Variants in SETD1B observed in about 807,000 individuals in gnomAD.
SETD1B encodes histone-lysine N-methyltransferase SETD1B.
A neutral mutation model predicts 148.0 loss-of-function variants in SETD1B; 7 were observed. That is an observed-to-expected ratio of 0.05 (90% CI 0.03 to 0.09). The LOEUF is 0.09. Ranked by LOEUF, SETD1B falls within the 10% of genes least tolerant of loss-of-function variation. The probability of loss-of-function intolerance (pLI) is 1.00; values close to 1 mark genes in which losing one functional copy is unlikely to be tolerated. For missense variants in SETD1B, 2,155 were observed against 2,729.9 expected, an observed-to-expected ratio of 0.79 and a Z score of 4.69; for synonymous variants, 1,361 against 1,186.5, an observed-to-expected ratio of 1.15 and a Z score of -3.02.
rs1876167567 is a variant in SETD1B at position 121,814,165 on chromosome 12, C to T, written c.1950C>T (p.Pro650=). Residue 650 remains proline (P), a synonymous_variant, in exon 7 of 17, where the codon CCC becomes CCT. Transcript: ENST00000604567. The stretch of plus-strand genomic sequence containing the variant: ...CGGATGACGAGATGCCCTCGGCCCC[C>T]ATCACCAGCGCTGACTGCCCCAAGC... ...EISDDEMPSA[P]ITSADCPKPM... is the part of the protein sequence containing the mutation. 1.3e-6 allele frequency: 2 copies of T among 1,548,428 alleles called. No individual in the cohort carries two copies. Among genetic ancestry groups the T allele is most frequent in the Non-Finnish European group, 1.7e-6 (2 of 1,146,700 alleles).
chr12:121,812,683 G>GTGC (rs1360474254), intron 6 of SETD1B, among the ~76,000 whole-genome samples: 1 of 152,108 alleles, frequency 6.6e-6, no homozygotes, highest in Non-Finnish European at 1.5e-5. Flanking sequence ...GATCTGGGGA[G>GTGC]TGCTCTCTGA....
At chr12:121,794,677 C>T in the SETD1B span, among the ~76,000 whole-genome samples, 1 of 152,202 alleles carries the variant, frequency 6.6e-6, no homozygotes, top group African/African-American at 2.4e-5. Flanking sequence ...ATCAGGGCTG[C>T]TGGCTGAATT....
At chr12:121,806,630 A>G (rs1875755810) in intron 4 of SETD1B, among the ~76,000 whole-genome samples, 1 of 152,102 alleles carries the variant, frequency 6.6e-6, no homozygotes, top group South Asian at 2.1e-4. Flanking sequence ...GTGTTGTTTC[A>G]TTGATAAGGT....
At chr12:121,797,553 A>G in the SETD1B span, 1 of 456,586 alleles carries the variant, frequency 2.2e-6, no homozygotes, top group African/African-American at 2.0e-5. Context: ...CCGTGCCGAG[A>G]ACCACATCCA....
rs1018114517 is a variant in SETD1B at position 121,817,893 on chromosome 12, A to G, written c.3407A>G (p.Asp1136Gly). The G allele has an allele frequency of 5.8e-6, 9 of 1,547,320 alleles. No homozygotes were observed. In the Admixed American group the frequency reaches 6.0e-5, roughly 10 times the overall value. Residue 1136 changes from aspartate to glycine, a missense_variant, in exon 10 of 17, where the codon GAC (aspartate) becomes GGC (glycine). By Grantham distance (94) the Asp-to-Gly change is moderately conservative. Transcript: ENST00000604567. The surrounding 1 kb of genome is among the most constrained non-coding windows in gnomAD (Gnocchi z 8.1). ...GAGGCGAGTGAGAAGGACGAAGGGG[A>G]CTCGGATGAAGGTGAGCAGGGAGGC... ...LSEASEKDEG[D>G]SDEEETVSIV...
the SETD1B span, chr12:121,793,138 G>A: frequency 4.6e-5 from 71 of 1,548,088 alleles, no homozygotes; most frequent in African/African-American, 7.9e-4. Flanking sequence ...CCCCCGGCGC[G>A]CAGGCGCACT....
At chr12:121,824,011 A>G (rs1566559174) in intron 12 of SETD1B, among the ~76,000 whole-genome samples, 2 of 152,272 alleles carry the variant, frequency 1.3e-5, no homozygotes, top group African/African-American at 2.4e-5. Flanking sequence ...CACATGTAAC[A>G]GCAGTGCCGT....
intron 6 of SETD1B, among the ~76,000 whole-genome samples, chr12:121,812,298 C>G (rs568000836): frequency 1.3e-5 from 2 of 152,184 alleles, no homozygotes. Flanking sequence ...AGTGGCTGGT[C>G]GTTAAAAGTT....
Position 121,810,354 on chromosome 12 carries a change from T to C in SETD1B, c.1409T>C (p.Phe470Ser). The C allele has an allele frequency of 6.5e-7, 1 of 1,546,614 alleles. No homozygotes were observed. The highest frequency in any genetic ancestry group is 8.7e-7 in the Non-Finnish European group (1 of 1,146,688). Residue 470 changes from phenylalanine to serine, a missense_variant, in exon 6 of 17, where the codon TTC (phenylalanine) becomes TCC (serine). By Grantham distance (155) the Phe-to-Ser change is radical (BLOSUM62 -2). Around this residue, in one of 11 missense-constraint regions of SETD1B, gnomAD observed 376 missense variants for 385.0 expected, o/e 0.98. Coordinates refer to ENST00000604567, the MANE Select transcript of SETD1B (RefSeq NM_001353345.2). The surrounding 1 kb of genome is among the most constrained non-coding windows in gnomAD (Gnocchi z 7.6). Reference sequence around the variant, plus strand: ...ATGGAGCTGGGCGGCCGGCCCACCTTCGGCTGGAGTCCTGAGCCCTGTGAC... The same window carrying C: ...ATGGAGCTGGGCGGCCGGCCCACCTCCGGCTGGAGTCCTGAGCCCTGTGAC... ...NSMELGGRPTFGWSPEPCDSP... is the reference protein window; with the variant it reads ...NSMELGGRPTSGWSPEPCDSP...
rs1326331145 is a variant in SETD1B at position 121,810,136 on chromosome 12, C to G, written c.1191C>G (p.Phe397Leu). The G allele has an allele frequency of 6.5e-7, 1 of 1,550,110 alleles. No homozygotes were observed. The highest frequency in any genetic ancestry group is 2.0e-5 in the Admixed American group (1 of 51,010). The change falls in exon 6 of 17, where the codon TTC (phenylalanine) becomes TTG (leucine). Residue 397 changes from phenylalanine (F) to leucine (L), a missense_variant. Transcript: ENST00000604567. The surrounding 1 kb of genome is among the most constrained non-coding windows in gnomAD (Gnocchi z 7.6). ...CTGCTCCTGGATTCAAGTCTGCTTT[C>G]TCTCCGTATCAGACCCCAGTGGCCC... ...ATPAPGFKSA[F>L]SPYQTPVAHF...
chr12:121,817,778 C>T lies in SETD1B; in HGVS notation c.3313-21C>T. 6.5e-7 allele frequency: 1 copy of T among 1,545,568 alleles called. No homozygotes were observed. Among genetic ancestry groups the T allele is most frequent in the Non-Finnish European group, 8.7e-7 (1 of 1,143,500 alleles). On this transcript the variant is annotated intron_variant, in intron 9 of 16. Transcript: ENST00000604567. This position sits in a 1 kb window ranked among gnomAD's most constrained non-coding sequence, Gnocchi z 8.1. ...GCCAGACCCTTCGGCTCACCTGTCC[C>T]CACTCTTCCTTCTCCCCCAGGATGA...
In SETD1B at chr12:121,822,950, A is replaced by T. The variant is rs555827998; in HGVS notation, c.4371A>T (p.Glu1457Asp). The T allele has an allele frequency of 5.7e-5, 88 of 1,537,862 alleles. No homozygotes were observed. In the African/African-American group the frequency reaches 1.0e-3, roughly 18 times the overall value. Residue 1457 changes from glutamate (E) to aspartate (D), a missense_variant, in exon 12 of 17, where the codon GAA becomes GAT. By Grantham distance (45) the Glu-to-Asp change is conservative. Coordinates refer to ENST00000604567, the MANE Select transcript of SETD1B (RefSeq NM_001353345.2). ...VCPLPTGRRD[E>D]RSGPLASPVL... Reference sequence around the variant, plus strand: ...CACTCCCCACTGGCCGACGCGATGAACGCTCCGGGCCCCTGGCCTCCCCGG... The same window carrying T: ...CACTCCCCACTGGCCGACGCGATGATCGCTCCGGGCCCCTGGCCTCCCCGG...
chr12:121,823,156 C>T lies in SETD1B; in HGVS notation c.4577C>T (p.Pro1526Leu), dbSNP rs1480519014. 6 of 1,543,390 alleles carry T rather than the reference C, an allele frequency of 3.9e-6. No individual in the cohort carries two copies. In the East Asian group the frequency reaches 9.8e-5, roughly 25 times the overall value. Residue 1526 changes from proline (P) to leucine (L), a missense_variant, in exon 12 of 17, where the codon CCA (proline) becomes CTA (leucine). Pro to Leu is a moderately conservative substitution (Grantham distance 98). Coordinates refer to ENST00000604567, the MANE Select transcript of SETD1B (RefSeq NM_001353345.2). Reference sequence around the variant, plus strand: ...AAGCCGGGCCGGCCCCGGCGATCCCCACCATCTATGCTCTCCTTGGATGGG... The same window carrying T: ...AAGCCGGGCCGGCCCCGGCGATCCCTACCATCTATGCTCTCCTTGGATGGG... ...KRKPGRPRRSPPSMLSLDGPL... is the reference protein window; with the variant it reads ...KRKPGRPRRSLPSMLSLDGPL...
At chr12:121,792,481 G>A in the SETD1B span, among the ~76,000 whole-genome samples, 1 of 152,262 alleles carries the variant, frequency 6.6e-6, no homozygotes, top group Non-Finnish European at 1.5e-5. Context: ...AGAGCCTGGT[G>A]TGGGGCCCCT....
intron 7 of SETD1B, among the ~76,000 whole-genome samples, chr12:121,816,047 C>T (rs1054248439): frequency 7.9e-5 from 12 of 151,890 alleles, no homozygotes; most frequent in Non-Finnish European, 1.6e-4. Context: ...AGGCTGGTCT[C>T]GAACTCCTGA....
intron 10 of SETD1B, 55 bp from the exon 11 acceptor site, chr12:121,819,349 G>A: frequency 6.5e-7 from 1 of 1,547,048 alleles, no homozygotes; most frequent in Admixed American, 2.0e-5. Context: ...GGGTCTGGTG[G>A]GGGCTGGGGC....
chr12:121,802,527 AT>A (rs1449133668), upstream of SETD1B: 1 of 152,154 alleles, frequency 6.6e-6, no homozygotes, highest in Admixed American at 6.5e-5. Flanking sequence ...AACTAGATAT[AT>A]TTAAAAATTT....
Position 121,809,835 on chromosome 12 carries a change from C to T in SETD1B, c.890C>T (p.Ser297Leu). ...TACTCCAGCCGCCAGCCCACACCCTCATACCTCTTCAGCCAGGACCCTGCA... is the reference window on the plus strand; with the variant it reads ...TACTCCAGCCGCCAGCCCACACCCTTATACCTCTTCAGCCAGGACCCTGCA... ...SSYSSRQPTP[S>L]YLFSQDPAVT... The change falls in exon 6 of 17, where the codon TCA (serine) becomes TTA (leucine). Residue 297 changes from serine (S) to leucine (L), a missense_variant. By Grantham distance (145) the Ser-to-Leu change is moderately radical. Coordinates refer to ENST00000604567, the MANE Select transcript of SETD1B (RefSeq NM_001353345.2). 6.4e-7 allele frequency: 1 copy of T among 1,551,570 alleles called. No individual in the cohort carries two copies. Among genetic ancestry groups the T allele is most frequent in the Non-Finnish European group, 8.7e-7 (1 of 1,146,996 alleles).
upstream of SETD1B, chr12:121,801,849 G>A (rs570263469): frequency 3.3e-5 from 5 of 152,214 alleles, no homozygotes; most frequent in East Asian, 5.8e-4. Context: ...AGAGACAAAA[G>A]GCGAAAATAC....
Sources: allele counts gnomAD v4.1 joint callset (sites outside exome capture counted in the v4.1 genomes callset), GRCh38; gene constraint gnomAD v4.1.1; regional missense constraint gnomAD v4.1.1; non-coding constraint Gnocchi (gnomAD v3.1); transcripts MANE v1.5; gene names NCBI Gene and HGNC (gene_info 2026-07-23, HGNC 2026-07-21).